LOXL2: variants seen among roughly 807,000 people sequenced by gnomAD.
LOXL2 encodes the protein lysyl oxidase homolog 2.
Under a neutral mutation model 93.0 loss-of-function variants are expected in LOXL2, and 70 were observed. The observed-to-expected ratio is 0.75, with a 90% CI of 0.62 to 0.92. LOXL2 has a LOEUF of 0.92. Among genes scored for constraint, LOXL2 ranks in the 40% least tolerant of loss-of-function variants. The pLI, the probability that LOXL2 is intolerant of heterozygous loss-of-function variation, is 0.00. For synonymous variants in LOXL2, 438 were observed against 413.2 expected (o/e 1.06, Z -0.73); for missense variants, 973 against 1,054.9 (o/e 0.92, Z 1.08).
intron 1 of LOXL2, among the ~76,000 whole-genome samples, chr8:23,389,575 G>A (rs1457701055): frequency 6.6e-6 from 1 of 152,140 alleles, no homozygotes; most frequent in Non-Finnish European, 1.5e-5. Flanking sequence ...AGCAACAATT[G>A]TTTTTATTGC....
chr8:23,319,764 C>A (rs543009458), intron 8 of LOXL2, 121 bp downstream of exon 8: 4 of 1,123,654 alleles, frequency 3.6e-6, no homozygotes, highest in Non-Finnish European at 5.1e-6. Context: ...GGGTCCAGGG[C>A]AACTTGCTCT....
At chr8:23,298,300 T>C (rs929123305) in intron 13 of LOXL2, among the ~76,000 whole-genome samples, 178 bp from the exon 14 acceptor site, 2 of 152,230 alleles carry the variant, frequency 1.3e-5, no homozygotes, top group Non-Finnish European at 2.9e-5. Flanking sequence ...AGGTGCTCTG[T>C]CAAAGTTGAG....
chr8:23,335,423 G>A (rs1803773315), intron 4 of LOXL2, among the ~76,000 whole-genome samples: 1 of 152,164 alleles, frequency 6.6e-6, no homozygotes. Flanking sequence ...GATAGGAAGA[G>A]CTACATAAGA....
At chr8:23,369,423 G>A (rs1395233136) in intron 1 of LOXL2, among the ~76,000 whole-genome samples, 2 of 152,292 alleles carry the variant, frequency 1.3e-5, no homozygotes, top group Admixed American at 6.5e-5. Context: ...GGATGAGCAG[G>A]TGGAAGCTTA....
chr8:23,365,987 G>C (rs1285278287), intron 2 of LOXL2: 1 of 152,160 alleles, frequency 6.6e-6, no homozygotes, highest in Non-Finnish European at 1.5e-5. Flanking sequence ...CGCTTGGATG[G>C]CAAAGTCCCA....
intron 1 of LOXL2, among the ~76,000 whole-genome samples, chr8:23,382,849 C>T (rs1454267366): frequency 1.3e-5 from 2 of 152,144 alleles, no homozygotes; most frequent in African/African-American, 2.4e-5. Flanking sequence ...TGATGATGCT[C>T]TTCTCTGGGG....
Position 23,318,754 on chromosome 8 carries a change from A to C in LOXL2, c.1470+1131T>G, listed in dbSNP as rs2030311553. 2.6e-5 allele frequency among the ~76,000 whole-genome samples: 4 copies of C among 152,296 alleles called. 1 individual carries two copies. The highest frequency in any genetic ancestry group is 2.6e-4 in the Admixed American group (4 of 15,292). On this transcript the variant is annotated intron_variant, in intron 8 of 13. Transcript: ENST00000389131. ...TTTAGAGAGTGCCCTGGCTTGTCAT[A>C]AACAATATTAGCAGAAACACTGCGT...
intron 5 of LOXL2, chr8:23,329,025 T>C (rs555737109): frequency 1.0e-3 from 174 of 174,610 alleles, no homozygotes; most frequent in South Asian, 1.9e-3. Flanking sequence ...TGTAACAAGG[T>C]TGCTTCTAAG....
rs1800094500 is a variant in LOXL2 at position 23,396,692 on chromosome 8, T to C, written c.-84+7262A>G. Among the ~76,000 whole-genome samples, 6 of 152,364 alleles carry C rather than the reference T, an allele frequency of 3.9e-5. No individual in the cohort carries two copies. The South Asian group carries it at 8.3e-4, about 21-fold the overall frequency. On this transcript the variant is annotated intron_variant, in intron 1 of 13. Transcript: ENST00000389131. ...AGATTATTAACTGTGTTCTTTCAAA[T>C]ATCTCTTCCAAACCCCCTCATGGTA...
chr8:23,328,052 GC>G (rs1312814515), intron 6 of LOXL2, among the ~76,000 whole-genome samples: 3 of 94,746 alleles, frequency 3.2e-5, no homozygotes, highest in Non-Finnish European at 6.1e-5. Flanking sequence ...GAGAACCCTG[GC>G]GTTTTTTGGT....
At chr8:23,328,588 T>G (rs766588932) in intron 5 of LOXL2, 23 bp from the exon 6 acceptor site, 1 of 1,611,958 alleles carries the variant, frequency 6.2e-7, no homozygotes, top group South Asian at 1.1e-5. Flanking sequence ...ACGGTCCTGC[T>G]GAGTACAGAC....
At chr8:23,299,864 CTGTGGGA>C (rs1803100144) in intron 12 of LOXL2, among the ~76,000 whole-genome samples, 1 of 152,232 alleles carries the variant, frequency 6.6e-6, no homozygotes, top group Admixed American at 6.5e-5. Flanking sequence ...CAAAGAGGTG[CTGTGGGA>C]AGCCAAGGCC....
intron 1 of LOXL2, among the ~76,000 whole-genome samples, chr8:23,370,486 C>T (rs1244101629): frequency 6.6e-6 from 1 of 152,130 alleles, no homozygotes. Context: ...TATCAGGCTA[C>T]CTTGCAGTAG....
intron 1 of LOXL2, among the ~76,000 whole-genome samples, chr8:23,373,173 C>A (rs898342736): frequency 1.3e-5 from 2 of 152,196 alleles, no homozygotes; most frequent in African/African-American, 4.8e-5. Flanking sequence ...AACAAGAATT[C>A]ATTGAGCTCC....
intron 3 of LOXL2, among the ~76,000 whole-genome samples, chr8:23,358,350 G>A (rs189080265): frequency 1.2e-3 from 177 of 152,300 alleles, no homozygotes; most frequent in Middle Eastern, 6.8e-3. Flanking sequence ...TTCCCAGCAC[G>A]CTTGGGAACA....
intron 1 of LOXL2, among the ~76,000 whole-genome samples, chr8:23,374,765 T>C (rs1804559805): frequency 1.3e-5 from 2 of 152,268 alleles, no homozygotes; most frequent in South Asian, 4.1e-4. Flanking sequence ...GAAGTGTCTG[T>C]TCATATCCTT....
At chr8:23,302,256 A>C (rs1359423557) in intron 11 of LOXL2, 93 bp from the exon 12 acceptor site, 1 of 1,527,886 alleles carries the variant, frequency 6.5e-7, no homozygotes, top group Non-Finnish European at 9.0e-7. Context: ...CCGCTGCTTC[A>C]TCTGGGCTCG....
chr8:23,350,739 G>A (rs571875198), intron 3 of LOXL2, among the ~76,000 whole-genome samples: 218 of 152,112 alleles, frequency 1.4e-3, no homozygotes, highest in African/African-American at 5.0e-3. Context: ...GAAAGAGCCG[G>A]TAGTCTGTTG....
At chr8:23,335,699 C>T (rs1232535822) in intron 4 of LOXL2, among the ~76,000 whole-genome samples, 1 of 152,090 alleles carries the variant, frequency 6.6e-6, no homozygotes, top group Non-Finnish European at 1.5e-5. Context: ...AAGGAGCCAG[C>T]AGAGGGTACT....
Sources: gnomAD v4.1 joint callset for allele counts (sites outside exome capture counted in the v4.1 genomes callset) on GRCh38, gnomAD v4.1.1 for gene constraint, MANE v1.5 for transcripts, NCBI Gene and HGNC (gene_info 2026-07-23, HGNC 2026-07-21) for gene names.